The following VARS1 variants were observed in gnomAD, a reference collection of about 807,000 sequenced individuals.
VARS1 encodes the protein valine--tRNA ligase.
VARS1 carries 92 observed loss-of-function variants against 161.0 expected under a neutral mutation model. The ratio of observed to expected loss-of-function variants is 0.57; its 90% CI spans 0.48 to 0.68. VARS1 has a LOEUF of 0.68. Among genes scored for constraint, VARS1 ranks in the 30% least tolerant of loss-of-function variants. VARS1 has a pLI of 0.00. For missense variants in VARS1, 1,338 were observed against 1,695.9 expected (o/e 0.79, Z 3.71); for synonymous variants, 595 against 682.5 (o/e 0.87, Z 2.00).
rs762845967 is a variant in VARS1, at chr6:31,781,668, A to G, written c.2418+23T>C. 15 of 1,612,814 alleles carry G rather than the reference A, an allele frequency of 9.3e-6. No homozygotes were observed. The South Asian group carries it at 1.5e-4, about 17-fold the overall frequency. ...CCACCCTCCAGTCCCCTGTCCCGCC[A>G]AGCCCCGGCCCCAGGAACACACCTG... On this transcript the variant is annotated intron_variant, in intron 20 of 29. Transcript: ENST00000375663. The surrounding 1 kb of genome is among the most constrained non-coding windows in gnomAD (Gnocchi z 6.8).
In VARS1 at chr6:31,782,197, G is replaced by T. The variant is rs1813200458; in HGVS notation, c.2151-20C>A. On this transcript the variant is annotated intron_variant, in intron 17 of 29. Coordinates refer to ENST00000375663, the MANE Select transcript of VARS1 (RefSeq NM_006295.3). This position sits in a 1 kb window ranked among gnomAD's most constrained non-coding sequence, Gnocchi z 8.3. ...CACTCCCTGCAAATGTCGGGGAGGAGAAATCAGGGAGGGCCTGATGGAGCC... is the reference window on the plus strand; with the variant it reads ...CACTCCCTGCAAATGTCGGGGAGGATAAATCAGGGAGGGCCTGATGGAGCC... 1 of 1,612,990 alleles carries T rather than the reference G, an allele frequency of 6.2e-7. No homozygotes were observed. The highest frequency in any genetic ancestry group is 1.1e-5 in the South Asian group (1 of 91,000).
intron 2 of VARS1, among the ~76,000 whole-genome samples, 186 bp from the exon 3 acceptor site, chr6:31,793,306 A>T (rs12207158): frequency 0.077 from 11,743 of 152,202 alleles, 581 homozygotes; most frequent in African/African-American, 0.13. Context: ...GATCGAGACC[A>T]TCCTGGCTAA....
intron 8 of VARS1, among the ~76,000 whole-genome samples, chr6:31,786,665 CAAAAAAAAAAAAAAA>C (rs9279417): frequency 3.2e-5 from 1 of 31,592 alleles, no homozygotes; most frequent in Non-Finnish European, 5.6e-5. Context: ...GACTCTGTCT[CAAAAAAAAAAAAAAA>C]AAAAAAAAAA....
chr6:31,782,649 G>T lies in VARS1; in HGVS notation c.1888-16C>A. ...TGGGCAGGCCCTGGGTAGGAATGAG[G>T]CCTCATCATGGCGATGCCCAGCCAT... On this transcript the variant is annotated splice_polypyrimidine_tract_variant and intron_variant, in intron 15 of 29. Transcript: ENST00000375663. This position sits in a 1 kb window ranked among gnomAD's most constrained non-coding sequence, Gnocchi z 8.3. 4 of 1,613,074 alleles carry T rather than the reference G, an allele frequency of 2.5e-6. No homozygotes were observed. The highest frequency in any genetic ancestry group is 3.4e-6 in the Non-Finnish European group (4 of 1,180,032).
chr6:31,782,093 AG>A lies in VARS1; in HGVS notation c.2234del (p.Pro745LeufsTer11). On this transcript the variant is annotated frameshift_variant, in exon 18 of 30. Coordinates refer to ENST00000375663, the MANE Select transcript of VARS1 (RefSeq NM_006295.3). LOFTEE classifies it high-confidence loss of function. This position sits in a 1 kb window ranked among gnomAD's most constrained non-coding sequence, Gnocchi z 8.3. ...GCTCTGGCCCTCTGCTCACCTCCCC[AG>A]GGGGCACCGCTGGGTCACTGACAGT... ...FVTVSDPAVPPGEDPDGRYWV... is the reference protein window; with the variant it reads ...FVTVSDPAVPXGEDPDGRYWV... The A allele has an allele frequency of 6.2e-7, 1 of 1,613,446 alleles. No homozygotes were observed. Among genetic ancestry groups the A allele is most frequent in the South Asian group, 1.1e-5 (1 of 91,000 alleles).
chr6:31,789,984 C>A (rs1031981585), intron 8 of VARS1, among the ~76,000 whole-genome samples: 1 of 151,616 alleles, frequency 6.6e-6, no homozygotes, highest in African/African-American at 2.4e-5. Flanking sequence ...TGAGCCGAGA[C>A]TGTGCCACTG....
intron 3 of VARS1, 41 bp downstream of exon 3, chr6:31,792,945 G>C (rs762390952): frequency 4.3e-6 from 7 of 1,614,056 alleles, no homozygotes; most frequent in Non-Finnish European, 5.1e-6. Flanking sequence ...AGTGAGGTCT[G>C]AGGAGAGCAG....
At position 31,785,776 on chromosome 6, in the gene VARS1, G is replaced by A. The variant is rs1211651617; in HGVS notation, c.1101-43C>T. ...GGACCAGAGGGTGAGCCAGGCCAGTGGGGCCTGGCACCAAAGAAAGCAGAG... is the reference window on the plus strand; with the variant it reads ...GGACCAGAGGGTGAGCCAGGCCAGTAGGGCCTGGCACCAAAGAAAGCAGAG... On this transcript the variant is annotated intron_variant, in intron 8 of 29. Coordinates refer to ENST00000375663, the MANE Select transcript of VARS1 (RefSeq NM_006295.3). The surrounding 1 kb of genome is among the most constrained non-coding windows in gnomAD (Gnocchi z 6.1). 2 of 1,563,798 alleles carry A rather than the reference G, an allele frequency of 1.3e-6. No homozygotes were observed. Among genetic ancestry groups the A allele is most frequent in the South Asian group, 1.2e-5 (1 of 84,616 alleles).
In VARS1 at chr6:31,779,334, C is replaced by T. The variant is rs1344819714; in HGVS notation, c.3401-42G>A. 15 of 1,600,734 alleles carry T rather than the reference C, an allele frequency of 9.4e-6. No individual in the cohort carries two copies. Among genetic ancestry groups the T allele is most frequent in the Non-Finnish European group, 1.3e-5 (15 of 1,178,800 alleles). On this transcript the variant is annotated intron_variant, in intron 28 of 29. Transcript: ENST00000375663. This position sits in a 1 kb window ranked among gnomAD's most constrained non-coding sequence, Gnocchi z 9.1. ...AAGGTGAGGCCTAGCTCCATGGAGA[C>T]AGGAAACCAAGCAGTCACTGCCGGA...
chr6:31,788,477 CGA>C (rs199898424), intron 8 of VARS1, among the ~76,000 whole-genome samples: 1 of 145,324 alleles, frequency 6.9e-6, no homozygotes, highest in African/African-American at 2.6e-5. Context: ...CCTGGGAAAC[CGA>C]GAGAGACTCT....
chr6:31,780,370 A>G lies in VARS1; in HGVS notation c.2925+71T>C, dbSNP rs530738874. 41 of 1,568,122 alleles carry G rather than the reference A, an allele frequency of 2.6e-5. No homozygotes were observed. In the African/African-American group the frequency reaches 4.5e-4, roughly 17 times the overall value. On this transcript the variant is annotated intron_variant, in intron 25 of 29. Coordinates refer to ENST00000375663, the MANE Select transcript of VARS1 (RefSeq NM_006295.3). This position sits in a 1 kb window ranked among gnomAD's most constrained non-coding sequence, Gnocchi z 5.1. Reference sequence around the variant, plus strand: ...TGTGTCTATCTGTCCCCCCAGCTACATGGAGGCTGCTCCGGACAGGGGTAC... The same window carrying G: ...TGTGTCTATCTGTCCCCCCAGCTACGTGGAGGCTGCTCCGGACAGGGGTAC...
intron 8 of VARS1, among the ~76,000 whole-genome samples, chr6:31,787,144 C>A (rs1423912960): frequency 6.6e-6 from 1 of 151,640 alleles, no homozygotes; most frequent in Non-Finnish European, 1.5e-5. Flanking sequence ...GAGGCTGCAC[C>A]AAGCTATGAT....
chr6:31,781,717 A>C lies in VARS1; in HGVS notation c.2392T>G (p.Leu798Val). The change falls in exon 20 of 30, where the codon TTA becomes GTA. Residue 798 changes from leucine (L) to valine (V), a missense_variant. Physicochemically the swap from Leu to Val is conservative, Grantham distance 32 (BLOSUM62 1). This residue lies in a region of VARS1 where 902 missense variants were observed against 1,090.3 expected (regional missense o/e 0.83). Coordinates refer to ENST00000375663, the MANE Select transcript of VARS1 (RefSeq NM_006295.3). The surrounding 1 kb of genome is among the most constrained non-coding windows in gnomAD (Gnocchi z 6.8). ...DTWFSSGLFP[L>V]SILGWPNQSE... The stretch of plus-strand genomic sequence containing the variant: ...TGGTTGGGCCAGCCCAAAATGGATA[A>C]GGGGAAGAGGCCAGAGGAGAACCAG... The C allele has an allele frequency of 8.1e-6, 13 of 1,613,030 alleles. No individual in the cohort carries two copies. Among genetic ancestry groups the C allele is most frequent in the Non-Finnish European group, 1.0e-5 (12 of 1,179,992 alleles).
Position 31,778,844 on chromosome 6 carries a change from C to T in VARS1, c.3726+123G>A, listed in dbSNP as rs1193259959. On this transcript the variant is annotated intron_variant, in intron 29 of 29. Coordinates refer to ENST00000375663, the MANE Select transcript of VARS1 (RefSeq NM_006295.3). This position sits in a 1 kb window ranked among gnomAD's most constrained non-coding sequence, Gnocchi z 5.1. Reference sequence around the variant, plus strand: ...AAGGCTAGTGGGAGTGGAGAAGGAACAAAGAAATCTGTAACTGGTTACGAT... The same window carrying T: ...AAGGCTAGTGGGAGTGGAGAAGGAATAAAGAAATCTGTAACTGGTTACGAT... The T allele has an allele frequency of 7.5e-7, 1 of 1,339,110 alleles. No homozygotes were observed. The highest frequency in any genetic ancestry group is 1.0e-6 in the Non-Finnish European group (1 of 970,572). 83.0% of individuals were successfully genotyped at this position (1,339,110 alleles called of 1,614,324 possible).
Position 31,784,397 on chromosome 6 carries a change from A to G in VARS1, c.1573T>C (p.Ser525Pro). 1 of 1,614,096 alleles carries G rather than the reference A, an allele frequency of 6.2e-7. No individual in the cohort carries two copies. The highest frequency in any genetic ancestry group is 8.5e-7 in the Non-Finnish European group (1 of 1,180,026). ...LVSFAYKVQGSDSDEEVVVAT... is the reference protein window; with the variant it reads ...LVSFAYKVQGPDSDEEVVVAT... ...TCCTGGTGCCCCTGGCTCCTACCTGAGCCTTGGACCTTATAGGCAAAGGAC... is the reference window on the plus strand; with the variant it reads ...TCCTGGTGCCCCTGGCTCCTACCTGGGCCTTGGACCTTATAGGCAAAGGAC... The change falls in exon 12 of 30, where the codon TCA (serine) becomes CCA (proline). Residue 525 changes from serine (S) to proline (P), a missense_variant. Ser to Pro is a moderately conservative substitution (Grantham distance 74, BLOSUM62 -1). Coordinates refer to ENST00000375663, the MANE Select transcript of VARS1 (RefSeq NM_006295.3). This position sits in a 1 kb window ranked among gnomAD's most constrained non-coding sequence, Gnocchi z 6.1.
In VARS1 at chr6:31,793,012, T is replaced by C; in HGVS notation, c.496A>G (p.Thr166Ala). Reference sequence around the variant, plus strand: ...TATCGGAAAGGCAGCAGCAAGGCTGTGACAGCCGCCAGGTCAGCCAGAGTG... The same window carrying C: ...TATCGGAAAGGCAGCAGCAAGGCTGCGACAGCCGCCAGGTCAGCCAGAGTG... Reference protein sequence around the residue: ...APTLADLAAVTALLLPFRYVL... With the variant: ...APTLADLAAVAALLLPFRYVL... Residue 166 changes from threonine to alanine, a missense_variant, in exon 3 of 30, where the codon ACA (threonine) becomes GCA (alanine). Physicochemically the swap from Thr to Ala is moderately conservative, Grantham distance 58. This residue lies in a region of VARS1 where 902 missense variants were observed against 1,090.3 expected (regional missense o/e 0.83). Transcript: ENST00000375663. 1.9e-6 allele frequency: 3 copies of C among 1,613,270 alleles called. No individual in the cohort carries two copies. The highest frequency in any genetic ancestry group is 2.5e-6 in the Non-Finnish European group (3 of 1,180,028).
Position 31,793,056 on chromosome 6 carries a change from T to C in VARS1, c.452A>G (p.Tyr151Cys). The change falls in exon 3 of 30, where the codon TAC becomes TGC. Residue 151 changes from tyrosine to cysteine, a missense_variant. Coordinates refer to ENST00000375663, the MANE Select transcript of VARS1 (RefSeq NM_006295.3). ...CAGAGTGGGGGCCTCCCCGGCCAAG[T>C]AGGTGTGCAGCCGAAGCCACTCCTC... ...PLEEWLRLHT[Y>C]LAGEAPTLAD... 2 of 1,612,970 alleles carry C rather than the reference T, an allele frequency of 1.2e-6. No individual in the cohort carries two copies. Among genetic ancestry groups the C allele is most frequent in the Non-Finnish European group, 1.7e-6 (2 of 1,179,998 alleles).
chr6:31,782,258 C>T lies in VARS1; in HGVS notation c.2150+27G>A, dbSNP rs375086423. On this transcript the variant is annotated intron_variant, in intron 17 of 29. Transcript: ENST00000375663. This position sits in a 1 kb window ranked among gnomAD's most constrained non-coding sequence, Gnocchi z 8.3. ...GAGCCCTGCTCAGCCCTCGGCAAGC[C>T]CCTCCCACACTGAGGACCCTACACA... 1.2e-6 allele frequency: 2 copies of T among 1,610,186 alleles called. No homozygotes were observed. Among genetic ancestry groups the T allele is most frequent in the East Asian group, 2.2e-5 (1 of 44,798 alleles).
At position 31,781,938 on chromosome 6, in the gene VARS1, C is replaced by T; in HGVS notation, c.2256G>A (p.Arg752=). The T allele has an allele frequency of 6.2e-7, 1 of 1,613,020 alleles. No homozygotes were observed. The highest frequency in any genetic ancestry group is 8.5e-7 in the Non-Finnish European group (1 of 1,180,022). ...CCTCATTGCGTCCACTCACCCAGTA[C>T]CGCCCATCAGGGTCCTGCCACAGGT... ...AVPPGEDPDG[R]YWVSGRNEAE... Residue 752 remains arginine (R), a synonymous_variant, in exon 19 of 30, where the codon CGG becomes CGA. Coordinates refer to ENST00000375663, the MANE Select transcript of VARS1 (RefSeq NM_006295.3). The surrounding 1 kb of genome is among the most constrained non-coding windows in gnomAD (Gnocchi z 6.8).
Sources: allele counts gnomAD v4.1 joint callset (sites outside exome capture counted in the v4.1 genomes callset), GRCh38; gene constraint gnomAD v4.1.1; regional missense constraint gnomAD v4.1.1; non-coding constraint Gnocchi (gnomAD v3.1); transcripts MANE v1.5; gene names NCBI Gene and HGNC (gene_info 2026-07-23, HGNC 2026-07-21).